The following SUPT3H variants were observed in gnomAD, a reference collection of about 807,000 sequenced individuals.
The protein encoded by SUPT3H is SPT3 homolog, SAGA and STAGA complex component, also known as transcription initiation protein SPT3 homolog.
In SUPT3H, 44 loss-of-function variants were observed where a neutral mutation model predicts 44.3. The ratio of observed to expected loss-of-function variants is 0.99; its 90% CI spans 0.78 to 1.28. SUPT3H has a LOEUF of 1.28. Among genes scored for constraint, SUPT3H ranks in the 50% most tolerant of loss-of-function variants. The pLI is 0.00. For missense variants in SUPT3H, 380 were observed against 387.1 expected (o/e 0.98, Z 0.15); for synonymous variants, 124 against 125.6 (o/e 0.99, Z 0.09).
intron 10 of SUPT3H, among the ~76,000 whole-genome samples, chr6:44,882,161 C>G (rs1778337511): frequency 6.6e-6 from 1 of 152,012 alleles, no homozygotes; most frequent in East Asian, 1.9e-4. Flanking sequence ...GAATAAAAGA[C>G]AGAAGAATCA....
chr6:45,334,449 C>CAAAAAAAAAA (rs551014969), intron 2 of SUPT3H, among the ~76,000 whole-genome samples: 14 of 91,726 alleles, frequency 1.5e-4, no homozygotes, highest in Admixed American at 2.3e-4. Context: ...TCAGGAAAAG[C>CAAAAAAAAAA]AAAAAAAAAA....
intron 2 of SUPT3H, among the ~76,000 whole-genome samples, chr6:45,288,176 C>A (rs1779624620): frequency 6.6e-6 from 1 of 152,088 alleles, no homozygotes; most frequent in Non-Finnish European, 1.5e-5. Context: ...CTGCTACTCA[C>A]CTTTCACAAT....
intron 10 of SUPT3H, among the ~76,000 whole-genome samples, chr6:44,896,872 G>A (rs1161311440): frequency 6.6e-6 from 1 of 152,134 alleles, no homozygotes; most frequent in East Asian, 1.9e-4. Flanking sequence ...TAGTGACAAC[G>A]ATGACACAAT....
intron 3 of SUPT3H, among the ~76,000 whole-genome samples, chr6:45,057,473 TAACTA>T (rs899749542): frequency 1.1e-4 from 16 of 151,762 alleles, no homozygotes; most frequent in African/African-American, 3.9e-4. Flanking sequence ...CTGACAAAAC[TAACTA>T]AACTAAAAAA....
At chr6:45,365,008 T>TAC (rs1290324038) in intron 2 of SUPT3H, among the ~76,000 whole-genome samples, 193 bp downstream of exon 2, 4 of 152,230 alleles carry the variant, frequency 2.6e-5, no homozygotes, top group African/African-American at 9.6e-5. Context: ...TCAAATACAG[T>TAC]ACCACTGTAG....
intron 2 of SUPT3H, among the ~76,000 whole-genome samples, chr6:45,217,983 G>C (rs966798371): frequency 2.0e-5 from 3 of 151,912 alleles, no homozygotes; most frequent in Non-Finnish European, 2.9e-5. Flanking sequence ...CAAAAAGAAA[G>C]AATGAGAGAA....
chr6:45,177,566 G>C (rs1023158711), intron 2 of SUPT3H, among the ~76,000 whole-genome samples: 5 of 151,616 alleles, frequency 3.3e-5, no homozygotes, highest in African/African-American at 1.2e-4. Context: ...GAAATACACA[G>C]AACACCACAA....
At chr6:45,280,420 T>G (rs1777810534) in intron 2 of SUPT3H, among the ~76,000 whole-genome samples, 1 of 152,018 alleles carries the variant, frequency 6.6e-6, no homozygotes, top group Non-Finnish European at 1.5e-5. Context: ...ACAGGAGAAC[T>G]ACTTGAATCC....
chr6:44,982,508 C>T (rs1270225253), intron 6 of SUPT3H, among the ~76,000 whole-genome samples: 1 of 152,210 alleles, frequency 6.6e-6, no homozygotes. Context: ...AGCCACCATG[C>T]CCAGCCCGAT....
chr6:44,948,502 G>A lies in SUPT3H; in HGVS notation c.801+4808C>T, dbSNP rs575689475. 6.5e-4 allele frequency among the ~76,000 whole-genome samples: 99 copies of A among 152,204 alleles called. 2 individuals are homozygous for A. The South Asian group carries it at 0.02, about 31-fold the overall frequency. ...TTACAATCTACCCATCTGACAAAGG[G>A]CTAATATCCAGAATCTACAAAGAAC... On this transcript the variant is annotated intron_variant, in intron 9 of 10. Transcript: ENST00000371459.
rs12195339 is a variant in SUPT3H at position 44,828,442 on chromosome 6, T to C, written c.*1374A>G. On this transcript the variant is annotated 3_prime_UTR_variant, in exon 11 of 11. Coordinates refer to ENST00000371459, the MANE Select transcript of SUPT3H (RefSeq NM_003599.4). ...AACAAATGTAAATAATGTGGCATAA[T>C]AATATTAACTGAGCCTCATAATTCT... Among the ~76,000 whole-genome samples the C allele has an allele frequency of 0.18, 27,301 of 152,148 alleles. 3,145 individuals carry two copies. The highest frequency in any genetic ancestry group is 0.26 in the Non-Finnish European group (17,756 of 67,954).
At chr6:44,960,564 T>C (rs1323174707) in intron 7 of SUPT3H, among the ~76,000 whole-genome samples, 3 of 152,124 alleles carry the variant, frequency 2.0e-5, no homozygotes, top group Non-Finnish European at 2.9e-5. Context: ...GAAAGTAGTA[T>C]GTCTGTTCCT....
chr6:45,261,622 T>C (rs1774383074), intron 2 of SUPT3H, among the ~76,000 whole-genome samples: 1 of 152,082 alleles, frequency 6.6e-6, no homozygotes, highest in Non-Finnish European at 1.5e-5. Flanking sequence ...GCCATCATCA[T>C]ACTGGACAGG....
intron 1 of SUPT3H, among the ~76,000 whole-genome samples, chr6:45,371,415 A>G (rs1199306876): frequency 6.7e-6 from 1 of 149,968 alleles, no homozygotes; most frequent in Non-Finnish European, 1.5e-5. Context: ...TTTTTTCACA[A>G]TTACCCTACA....
In SUPT3H at chr6:44,829,772, A is replaced by T; in HGVS notation, c.*44T>A. On this transcript the variant is annotated 3_prime_UTR_variant, in exon 11 of 11. Transcript: ENST00000371459. ...TGTTCACAAGAAATCACCTTAATAT[A>T]ACATTGCCTTTCCTGTTGTTGCAGG... The T allele has an allele frequency of 6.2e-7, 1 of 1,601,660 alleles. No homozygotes were observed. Among genetic ancestry groups the T allele is most frequent in the Non-Finnish European group, 8.5e-7 (1 of 1,171,668 alleles).
At chr6:45,047,836 G>A (rs1405910932) in intron 3 of SUPT3H, among the ~76,000 whole-genome samples, 1 of 151,880 alleles carries the variant, frequency 6.6e-6, no homozygotes, top group Non-Finnish European at 1.5e-5. Context: ...GCATTTCTCT[G>A]ATGATTTGTG....
chr6:45,360,105 T>G (rs1257364356), intron 2 of SUPT3H, among the ~76,000 whole-genome samples: 1 of 152,246 alleles, frequency 6.6e-6, no homozygotes, highest in Non-Finnish European at 1.5e-5. Flanking sequence ...GTTTATTAAC[T>G]GAAATTAGTT....
intron 4 of SUPT3H, among the ~76,000 whole-genome samples, chr6:45,018,130 T>C (rs1008896074): frequency 8.6e-5 from 13 of 151,910 alleles, no homozygotes; most frequent in Non-Finnish European, 1.8e-4. Flanking sequence ...AGTTCACTCA[T>C]GAGTTGGCTC....
chr6:45,255,188 G>C (rs1773140568), intron 2 of SUPT3H, among the ~76,000 whole-genome samples: 1 of 152,136 alleles, frequency 6.6e-6, no homozygotes, highest in African/African-American at 2.4e-5. Flanking sequence ...TATATAGAGA[G>C]AGAGAGTTTG....
Sources: gnomAD v4.1 joint callset for allele counts (sites outside exome capture counted in the v4.1 genomes callset) on GRCh38, gnomAD v4.1.1 for gene constraint, MANE v1.5 for transcripts, NCBI Gene and HGNC (gene_info 2026-07-23, HGNC 2026-07-21) for gene names.